The following RNF220 variants were observed in gnomAD, a reference collection of about 807,000 sequenced individuals.
The protein encoded by RNF220 is E3 ubiquitin-protein ligase RNF220.
Under a neutral mutation model 67.1 loss-of-function variants are expected in RNF220, and 7 were observed. The observed-to-expected ratio is 0.10, with a 90% CI of 0.06 to 0.20. The LOEUF (loss-of-function observed/expected upper bound fraction) is 0.20. Among genes scored for constraint, RNF220 ranks in the 10% least tolerant of loss-of-function variants. RNF220 has a pLI of 1.00. For synonymous variants in RNF220, 270 were observed against 283.2 expected (o/e 0.95, Z 0.47); for missense variants, 565 against 740.3 (o/e 0.76, Z 2.75).
At chr1:44,632,440 C>CCTCA (rs1644182762) in intron 6 of RNF220, 55 bp downstream of exon 6, 2 of 1,488,756 alleles carry the variant, frequency 1.3e-6, no homozygotes, top group Admixed American at 3.9e-5. Context: ...TCCCTCCCTC[C>CCTCA]CTCACTGCCT....
intron 2 of RNF220, among the ~76,000 whole-genome samples, chr1:44,435,028 T>TAA (rs33931761): frequency 0.15 from 21,508 of 143,814 alleles, 1,634 homozygotes; most frequent in Middle Eastern, 0.22. Flanking sequence ...TCCTGTCTCT[T>TAA]AAAAAAAAAA....
At chr1:44,586,872 G>A (rs1277812868) in intron 2 of RNF220, among the ~76,000 whole-genome samples, 6 of 152,220 alleles carry the variant, frequency 3.9e-5, no homozygotes, top group Non-Finnish European at 5.9e-5. Context: ...GGAAAATCAA[G>A]TGGAGGCAAT....
chr1:44,589,614 A>C (rs917184099), intron 2 of RNF220, among the ~76,000 whole-genome samples: 41 of 19,820 alleles, frequency 2.1e-3, no homozygotes, highest in African/African-American at 4.8e-3. Flanking sequence ...ACTGCATCTC[A>C]AAAAAAAAAA....
intron 5 of RNF220, among the ~76,000 whole-genome samples, chr1:44,628,729 C>T (rs1644029885): frequency 6.6e-6 from 1 of 152,218 alleles, no homozygotes; most frequent in Non-Finnish European, 1.5e-5. Flanking sequence ...CCTTTCTTGC[C>T]TCTATGTCTT....
intron 2 of RNF220, among the ~76,000 whole-genome samples, chr1:44,533,023 A>C (rs544028588): frequency 1.3e-5 from 2 of 152,304 alleles, no homozygotes; most frequent in South Asian, 4.1e-4. Flanking sequence ...AGACCAGACT[A>C]AAAGGAAGGA....
intron 5 of RNF220, among the ~76,000 whole-genome samples, chr1:44,627,414 T>G (rs1045752010): frequency 6.7e-6 from 1 of 150,070 alleles, no homozygotes; most frequent in Non-Finnish European, 1.5e-5. Context: ...TGCCAAACCT[T>G]GGTATCAGGC....
At chr1:44,603,552 G>A (rs1360562450) in intron 2 of RNF220, among the ~76,000 whole-genome samples, 1 of 152,258 alleles carries the variant, frequency 6.6e-6, no homozygotes, top group African/African-American at 2.4e-5. Flanking sequence ...GAGAGGTGAA[G>A]GTCTCCCATT....
intron 2 of RNF220, among the ~76,000 whole-genome samples, chr1:44,428,709 T>C (rs2147859250): frequency 6.6e-6 from 1 of 152,278 alleles, no homozygotes; most frequent in East Asian, 1.9e-4. Context: ...AGCTCGGCCA[T>C]AATATCACTT....
chr1:44,510,760 G>A (rs1438347463), intron 2 of RNF220, among the ~76,000 whole-genome samples: 4 of 152,190 alleles, frequency 2.6e-5, no homozygotes, highest in East Asian at 1.9e-4. Context: ...GTGAGCACAG[G>A]TGTCCTGCTA....
intron 2 of RNF220, among the ~76,000 whole-genome samples, chr1:44,549,725 T>C (rs1031457688): frequency 2.6e-5 from 4 of 152,270 alleles, no homozygotes; most frequent in East Asian, 1.9e-4. Flanking sequence ...AGAGAGAGCA[T>C]GTGTTCACCA....
rs953749031 is a variant in RNF220, at chr1:44,606,187, C to G, written c.626-7978C>G. Among the ~76,000 whole-genome samples the G allele has an allele frequency of 2.0e-5, 3 of 152,246 alleles. No homozygotes were observed. The highest frequency in any genetic ancestry group is 7.2e-5 in the African/African-American group (3 of 41,450). Reference sequence around the variant, plus strand: ...GTATTTGACGTATTAATAAAACCAGCCGCATTGCTCTGGCCCGGAGACTGG... The same window carrying G: ...GTATTTGACGTATTAATAAAACCAGGCGCATTGCTCTGGCCCGGAGACTGG... On this transcript the variant is annotated intron_variant, in intron 2 of 14. Transcript: ENST00000361799. The surrounding 1 kb of genome is among the most constrained non-coding windows in gnomAD (Gnocchi z 4.2).
At chr1:44,502,936 TTTC>T (rs1658058109) in intron 2 of RNF220, among the ~76,000 whole-genome samples, 2 of 152,124 alleles carry the variant, frequency 1.3e-5, no homozygotes, top group South Asian at 4.1e-4. Flanking sequence ...TGACTAATTT[TTTC>T]TATTTTTATT....
intron 2 of RNF220, among the ~76,000 whole-genome samples, chr1:44,555,258 G>A (rs1163488251): frequency 6.6e-6 from 1 of 152,052 alleles, no homozygotes; most frequent in African/African-American, 2.4e-5. Context: ...TGTAGAGACA[G>A]GATCTCACTT....
At chr1:44,422,946 T>G (rs1009234617) in intron 2 of RNF220, among the ~76,000 whole-genome samples, 7 of 152,138 alleles carry the variant, frequency 4.6e-5, no homozygotes, top group African/African-American at 1.7e-4. Flanking sequence ...CTCATTGGTT[T>G]AATCATTCAG....
At chr1:44,509,885 C>CAAAA (rs57479392) in intron 2 of RNF220, among the ~76,000 whole-genome samples, 14 of 106,050 alleles carry the variant, frequency 1.3e-4, no homozygotes, top group South Asian at 5.7e-4. Flanking sequence ...AGACCCTGTC[C>CAAAA]AAAAAAAAAA....
chr1:44,556,720 T>G (rs12079043), intron 2 of RNF220, among the ~76,000 whole-genome samples: 4,088 of 152,076 alleles, frequency 0.027, 157 homozygotes, highest in East Asian at 0.13. Flanking sequence ...CACCACGCCC[T>G]GCTAATTTTT....
intron 2 of RNF220, among the ~76,000 whole-genome samples, chr1:44,542,620 G>A (rs1272910088): frequency 6.6e-6 from 1 of 152,184 alleles, no homozygotes; most frequent in Admixed American, 6.5e-5. Flanking sequence ...CAAGGGGCTG[G>A]GAGCCCCAGA....
At chr1:44,519,675 T>C (rs1161919006) in intron 2 of RNF220, among the ~76,000 whole-genome samples, 5 of 152,158 alleles carry the variant, frequency 3.3e-5, no homozygotes, top group Non-Finnish European at 7.3e-5. Context: ...GCGGCCCAAG[T>C]TGTGAACCTC....
At chr1:44,561,197 G>A (rs1663540802) in intron 2 of RNF220, among the ~76,000 whole-genome samples, 1 of 152,206 alleles carries the variant, frequency 6.6e-6, no homozygotes, top group Non-Finnish European at 1.5e-5. Flanking sequence ...TCCTGAAGAT[G>A]TGTGAACTGA....
Sources: gnomAD v4.1 joint callset for allele counts (sites outside exome capture counted in the v4.1 genomes callset) on GRCh38, gnomAD v4.1.1 for gene constraint, Gnocchi (gnomAD v3.1) non-coding constraint, MANE v1.5 for transcripts, NCBI Gene and HGNC (gene_info 2026-07-23, HGNC 2026-07-21) for gene names.